The following C16orf96 variants were observed in gnomAD, a reference collection of about 807,000 sequenced individuals.
C16orf96 encodes the protein chromosome 16 open reading frame 96.
C16orf96 carries 108 observed loss-of-function variants against 103.6 expected under a neutral mutation model. The observed-to-expected ratio is 1.04, with a 90% confidence interval of 0.89 to 1.22. The LOEUF (loss-of-function observed/expected upper bound fraction) is 1.22, where lower values mean the gene tolerates loss of function less well. Among genes scored for constraint, C16orf96 ranks in the 50% most tolerant of loss-of-function variants. The pLI is 0.00. For synonymous variants in C16orf96, 566 were observed against 593.5 expected (o/e 0.95, Z 0.67); for missense variants, 1,586 against 1,464.2 (o/e 1.08, Z -1.36).
intron 2 of C16orf96, among the ~76,000 whole-genome samples, chr16:4,573,836 G>A (rs1030830136): frequency 6.6e-6 from 1 of 151,458 alleles, no homozygotes; most frequent in Non-Finnish European, 1.5e-5. Context: ...TTGTTGTTTT[G>A]TTTTGTATTC....
chr16:4,592,954 T>C (rs912415213), intron 11 of C16orf96, among the ~76,000 whole-genome samples: 1 of 152,230 alleles, frequency 6.6e-6, no homozygotes, highest in Non-Finnish European at 1.5e-5. Context: ...GGATCATAGG[T>C]GTATGCCACC....
the C16orf96 span, among the ~76,000 whole-genome samples, chr16:4,544,006 AC>A: frequency 6.6e-6 from 1 of 152,174 alleles, no homozygotes; most frequent in East Asian, 1.9e-4. Flanking sequence ...AGGCAGGAGG[AC>A]CCACTGGGAA....
At chr16:4,550,506 A>G in the C16orf96 span, among the ~76,000 whole-genome samples, 4 of 152,182 alleles carry the variant, frequency 2.6e-5, no homozygotes, top group Admixed American at 2.0e-4. Flanking sequence ...AAGCTAATGC[A>G]TTGTTGCCTT....
intron 1 of C16orf96, among the ~76,000 whole-genome samples, chr16:4,559,168 G>A (rs115214669): frequency 0.012 from 1,798 of 152,164 alleles, 41 homozygotes; most frequent in African/African-American, 0.04. Flanking sequence ...AACTGTGCCC[G>A]TTGGTGTGTC....
intron 13 of C16orf96, 79 bp from the exon 14 acceptor site, chr16:4,594,625 C>A: frequency 6.5e-7 from 1 of 1,539,468 alleles, no homozygotes; most frequent in Non-Finnish European, 8.8e-7. Context: ...ACTCTGTCTC[C>A]TGGGCTTCTG....
At chr16:4,595,748 C>G (rs994049367) in intron 14 of C16orf96, among the ~76,000 whole-genome samples, 4 of 152,002 alleles carry the variant, frequency 2.6e-5, no homozygotes, top group Admixed American at 2.6e-4. Flanking sequence ...GCTCTGTCGC[C>G]CAGGCTGGAG....
chr16:4,550,345 A>G, the C16orf96 span, among the ~76,000 whole-genome samples: 1 of 152,126 alleles, frequency 6.6e-6, no homozygotes, highest in Non-Finnish European at 1.5e-5. Context: ...TCAGCCTCCC[A>G]CAGTGCTGAG....
the C16orf96 span, among the ~76,000 whole-genome samples, chr16:4,545,045 T>C: frequency 6.6e-6 from 1 of 152,186 alleles, no homozygotes; most frequent in Non-Finnish European, 1.5e-5. Flanking sequence ...AGCATGGATG[T>C]TTATATTCAT....
At chr16:4,547,080 G>A in the C16orf96 span, among the ~76,000 whole-genome samples, 63 of 152,238 alleles carry the variant, frequency 4.1e-4, no homozygotes, top group African/African-American at 1.4e-3. Flanking sequence ...ATGAGCCACC[G>A]CCCCCGGTGA....
intron 7 of C16orf96, 140 bp downstream of exon 7, chr16:4,580,265 A>C: frequency 1.8e-6 from 1 of 570,694 alleles, no homozygotes; most frequent in Non-Finnish European, 3.0e-6. Flanking sequence ...CTGGCATTTT[A>C]CTGTGTGTAA....
chr16:4,550,815 T>A, the C16orf96 span, among the ~76,000 whole-genome samples: 1 of 152,202 alleles, frequency 6.6e-6, no homozygotes. Context: ...GAGAAGAAGC[T>A]GTTATATTCA....
At chr16:4,594,616 C>G in intron 13 of C16orf96, 88 bp from the exon 14 acceptor site, 1 of 1,537,482 alleles carries the variant, frequency 6.5e-7, no homozygotes, top group Non-Finnish European at 8.8e-7. Flanking sequence ...AGAGGCTGCA[C>G]TCTGTCTCCT....
At chr16:4,599,479 A>C (rs1003445675) in intron 15 of C16orf96, 115 bp downstream of exon 15, 11 of 879,050 alleles carry the variant, frequency 1.3e-5, no homozygotes, top group Non-Finnish European at 5.4e-6. Context: ...CACCTCCTCC[A>C]CCTCCTGCCT....
At chr16:4,580,172 T>C (rs1193264869) in intron 7 of C16orf96, 47 bp downstream of exon 7, 3 of 1,395,286 alleles carry the variant, frequency 2.2e-6, no homozygotes, top group Non-Finnish European at 2.9e-6. Flanking sequence ...AAGGGAGAAT[T>C]CCTCACCTAG....
chr16:4,599,167 G>A, intron 14 of C16orf96, 117 bp from the exon 15 acceptor site: 6 of 802,876 alleles, frequency 7.5e-6, no homozygotes, highest in Non-Finnish European at 1.3e-5. Context: ...AATGGACCGG[G>A]GAGCCTGGGA....
chr16:4,546,840 A>G, the C16orf96 span, among the ~76,000 whole-genome samples: 1 of 152,206 alleles, frequency 6.6e-6, no homozygotes, highest in Non-Finnish European at 1.5e-5. Context: ...TGATCTCCAT[A>G]TAATGGAATA....
At chr16:4,577,436 A>C (rs548693189) in intron 5 of C16orf96, among the ~76,000 whole-genome samples, 42 of 151,964 alleles carry the variant, frequency 2.8e-4, no homozygotes, top group Non-Finnish European at 4.6e-4. Context: ...AGGCCAAGGC[A>C]GGCAGATACG....
upstream of C16orf96, among the ~76,000 whole-genome samples, chr16:4,552,841 A>G (rs933422294): frequency 6.6e-6 from 1 of 152,218 alleles, no homozygotes; most frequent in Non-Finnish European, 1.5e-5. Flanking sequence ...CCAGAACTTC[A>G]CATTTAAATG....
intron 1 of C16orf96, among the ~76,000 whole-genome samples, chr16:4,557,304 G>A (rs550264475): frequency 3.9e-5 from 6 of 152,034 alleles, no homozygotes; most frequent in South Asian, 2.1e-4. Flanking sequence ...ACTCACCTAC[G>A]ATGGGCCATC....
Sources: gnomAD v4.1 joint callset for allele counts (sites outside exome capture counted in the v4.1 genomes callset) on GRCh38, gnomAD v4.1.1 for gene constraint, MANE v1.5 for transcripts, NCBI Gene and HGNC (gene_info 2026-07-23, HGNC 2026-07-21) for gene names.